Variants in BCL2 observed in about 807,000 individuals in gnomAD.
BCL2 encodes the protein apoptosis regulator Bcl-2.
A neutral mutation model predicts 14.2 loss-of-function variants in BCL2; 1 was observed. The ratio of observed to expected loss-of-function variants is 0.07; its 90% CI spans 0.02 to 0.33. The LOEUF (loss-of-function observed/expected upper bound fraction) is 0.33. Among genes scored for constraint, BCL2 ranks in the 10% least tolerant of loss-of-function variants. The pLI, the probability that BCL2 is intolerant of heterozygous loss-of-function variation, is 0.99. For missense variants in BCL2, 247 were observed against 305.9 expected, an observed-to-expected ratio of 0.81 and a Z score of 1.44; for synonymous variants, 151 against 137.2, an observed-to-expected ratio of 1.10 and a Z score of -0.70.
intron 2 of BCL2, among the ~76,000 whole-genome samples, chr18:63,152,264 C>T (rs923332670): frequency 6.6e-6 from 1 of 152,204 alleles, no homozygotes; most frequent in Non-Finnish European, 1.5e-5. Context: ...TGACACCACA[C>T]CAATGTGCTG....
At chr18:63,157,590 T>C (rs1414163948) in intron 2 of BCL2, among the ~76,000 whole-genome samples, 3 of 152,208 alleles carry the variant, frequency 2.0e-5, no homozygotes, top group African/African-American at 7.2e-5. Context: ...CTCTCACTTA[T>C]TATAATTGTA....
chr18:63,159,366 C>A (rs139942206), intron 2 of BCL2, among the ~76,000 whole-genome samples: 315 of 152,316 alleles, frequency 2.1e-3, no homozygotes, highest in African/African-American at 6.8e-3. Flanking sequence ...TAATTTCACA[C>A]GAACATCACT....
chr18:63,154,485 C>T (rs1049393105), intron 2 of BCL2, among the ~76,000 whole-genome samples: 1 of 152,174 alleles, frequency 6.6e-6, no homozygotes, highest in African/African-American at 2.4e-5. Flanking sequence ...ACCCACGCTT[C>T]CAGACTCCCC....
chr18:63,241,788 T>C (rs368538783), intron 2 of BCL2, among the ~76,000 whole-genome samples: 2 of 152,372 alleles, frequency 1.3e-5, no homozygotes, highest in Non-Finnish European at 1.5e-5. Context: ...TGTCCCGGCC[T>C]GCCACCCTGG....
rs2144324111 is a variant in BCL2, at chr18:63,318,423, C to T, written c.244G>A (p.Ala82Thr). The change falls in exon 2 of 3, where the codon GCG (alanine) becomes ACG (threonine). Residue 82 changes from alanine (A) to threonine (T), a missense_variant. Transcript: ENST00000333681. This position sits in a 1 kb window ranked among gnomAD's most constrained non-coding sequence, Gnocchi z 7.4. ...LQTPAAPGAA[A>T]GPALSPVPPV... ...GGCACCGGGCTGAGCGCAGGCCCCG[C>T]GGCGGCGCCGGGGGCAGCCGGGGTC... The T allele has an allele frequency of 6.7e-7, 1 of 1,490,582 alleles. No individual in the cohort carries two copies. Among genetic ancestry groups the T allele is most frequent in the Non-Finnish European group, 8.8e-7 (1 of 1,130,340 alleles). 92.3% of individuals were successfully genotyped at this position (1,490,582 alleles called of 1,614,324 possible).
At chr18:63,138,650 G>A (rs1377785315) in intron 2 of BCL2, among the ~76,000 whole-genome samples, 1 of 152,250 alleles carries the variant, frequency 6.6e-6, no homozygotes, top group Non-Finnish European at 1.5e-5. Context: ...GTTGATCTTG[G>A]AGGAACTCTG....
chr18:63,176,711 C>T (rs1357697309), intron 2 of BCL2, among the ~76,000 whole-genome samples: 2 of 152,148 alleles, frequency 1.3e-5, no homozygotes, highest in Non-Finnish European at 2.9e-5. Flanking sequence ...CTCATCACCT[C>T]ACTTATCATT....
intron 2 of BCL2, among the ~76,000 whole-genome samples, chr18:63,236,951 CT>C (rs1910853788): frequency 6.6e-6 from 1 of 152,066 alleles, no homozygotes. Context: ...AGGATTTTTT[CT>C]TTTCTTTTCT....
intron 2 of BCL2, among the ~76,000 whole-genome samples, chr18:63,168,911 A>G (rs1915113137): frequency 6.6e-6 from 1 of 152,232 alleles, no homozygotes; most frequent in Admixed American, 6.5e-5. Context: ...CTAACTAGCA[A>G]CAACCCAAGT....
chr18:63,157,207 T>C (rs1023648054), intron 2 of BCL2, among the ~76,000 whole-genome samples: 2 of 152,254 alleles, frequency 1.3e-5, no homozygotes, highest in Non-Finnish European at 2.9e-5. Context: ...AAGTCCCTTA[T>C]TTTAAAATCA....
chr18:63,204,769 C>A (rs1041812639), intron 2 of BCL2, among the ~76,000 whole-genome samples: 2 of 152,124 alleles, frequency 1.3e-5, no homozygotes, highest in Admixed American at 6.5e-5. Flanking sequence ...GAAAAGCATG[C>A]ATTCTATGTA....
At chr18:63,319,882 G>C (rs1445892847), upstream of BCL2, 1 of 175,870 alleles carries the variant, frequency 5.7e-6, no homozygotes, top group African/African-American at 2.4e-5. Flanking sequence ...CCCCACCGGC[G>C]CACCCCGCCT....
chr18:63,296,886 T>G (rs1397530798), intron 2 of BCL2, among the ~76,000 whole-genome samples: 1 of 152,238 alleles, frequency 6.6e-6, no homozygotes, highest in Admixed American at 6.5e-5. Flanking sequence ...AATAAATGGT[T>G]AGCAGTCTAG....
At chr18:63,183,971 A>G (rs1915535418) in intron 2 of BCL2, among the ~76,000 whole-genome samples, 1 of 152,200 alleles carries the variant, frequency 6.6e-6, no homozygotes, top group Non-Finnish European at 1.5e-5. Context: ...GCCCTCAAAC[A>G]TACCATCCCC....
At chr18:63,290,436 C>T (rs1041132496) in intron 2 of BCL2, among the ~76,000 whole-genome samples, 2 of 152,152 alleles carry the variant, frequency 1.3e-5, no homozygotes, top group African/African-American at 4.8e-5. Context: ...AACTTCCCAA[C>T]CATTTGCTCA....
At chr18:63,240,234 C>G (rs1910961828) in intron 2 of BCL2, among the ~76,000 whole-genome samples, 1 of 152,182 alleles carries the variant, frequency 6.6e-6, no homozygotes, top group Admixed American at 6.5e-5. Context: ...AGTGATCCAT[C>G]CACCTTGGCC....
At chr18:63,289,163 C>T (rs929827239) in intron 2 of BCL2, among the ~76,000 whole-genome samples, 9 of 151,862 alleles carry the variant, frequency 5.9e-5, no homozygotes, top group Admixed American at 3.9e-4. Flanking sequence ...GAAAACAGCC[C>T]CGGGCCTCAA....
intron 2 of BCL2, among the ~76,000 whole-genome samples, chr18:63,312,192 C>A (rs558388237): frequency 6.6e-6 from 1 of 152,302 alleles, no homozygotes; most frequent in African/African-American, 2.4e-5. Context: ...CGGTTTTCTT[C>A]AGGTAAATCC....
chr18:63,319,078 T>G, intron 1 of BCL2, 96 bp downstream of exon 1: 4 of 1,072,426 alleles, frequency 3.7e-6, no homozygotes, highest in Non-Finnish European at 4.5e-6. Context: ...TTAAGCTGCC[T>G]GGAAATTAAA....
Sources: gnomAD v4.1 joint callset for allele counts (sites outside exome capture counted in the v4.1 genomes callset) on GRCh38, gnomAD v4.1.1 for gene constraint, Gnocchi (gnomAD v3.1) non-coding constraint, MANE v1.5 for transcripts, NCBI Gene and HGNC (gene_info 2026-07-23, HGNC 2026-07-21) for gene names.